CABCOCO1: variants seen among roughly 807,000 people sequenced by gnomAD.
The protein encoded by CABCOCO1 is ciliary-associated calcium-binding coiled-coil protein 1.
In CABCOCO1, 28 loss-of-function variants were observed where a neutral mutation model predicts 35.7. The observed-to-expected ratio is 0.78, with a 90% CI of 0.58 to 1.07. CABCOCO1 has a LOEUF of 1.07. CABCOCO1 is among the 50% of genes least tolerant of loss of function. CABCOCO1 has a pLI of 0.00. For synonymous variants in CABCOCO1, 95 were observed against 100.1 expected, an observed-to-expected ratio of 0.95 and a Z score of 0.30; for missense variants, 326 against 309.2, an observed-to-expected ratio of 1.05 and a Z score of -0.41.
chr10:61,706,808 G>A (rs1429525148), intron 5 of CABCOCO1, among the ~76,000 whole-genome samples: 1 of 151,994 alleles, frequency 6.6e-6, no homozygotes, highest in Non-Finnish European at 1.5e-5. Flanking sequence ...TACATGTTGG[G>A]TGCATCCTTC....
chr10:61,680,693 C>CATATATAT (rs71643929), intron 2 of CABCOCO1, among the ~76,000 whole-genome samples: 2 of 53,596 alleles, frequency 3.7e-5, no homozygotes, highest in African/African-American at 1.6e-4. Flanking sequence ...ACATGTATAA[C>CATATATAT]ATATATATGT....
At chr10:61,666,454 T>C (rs1402280549) in intron 1 of CABCOCO1, among the ~76,000 whole-genome samples, 2 of 152,172 alleles carry the variant, frequency 1.3e-5, no homozygotes, top group African/African-American at 4.8e-5. Flanking sequence ...TGTGAGTACA[T>C]GGTAGCTGTA....
intron 5 of CABCOCO1, among the ~76,000 whole-genome samples, chr10:61,706,919 G>A (rs1840606395): frequency 6.6e-6 from 1 of 152,112 alleles, no homozygotes; most frequent in Non-Finnish European, 1.5e-5. Flanking sequence ...TAACAGATAG[G>A]ATGCTGTGCC....
chr10:61,715,040 G>A (rs1457167794), intron 5 of CABCOCO1, among the ~76,000 whole-genome samples: 1 of 152,180 alleles, frequency 6.6e-6, no homozygotes, highest in East Asian at 1.9e-4. Flanking sequence ...GCTTGGTGCA[G>A]AGCTGAGTTG....
intron 5 of CABCOCO1, among the ~76,000 whole-genome samples, chr10:61,753,374 T>A (rs893009232): frequency 3.3e-4 from 50 of 152,116 alleles, no homozygotes; most frequent in African/African-American, 1.2e-3. Context: ...TCAATTTTTT[T>A]AACTATTTAT....
At chr10:61,756,905 TGAGACAATTACAA>T (rs1841908748) in intron 5 of CABCOCO1, among the ~76,000 whole-genome samples, 1 of 151,948 alleles carries the variant, frequency 6.6e-6, no homozygotes, top group Non-Finnish European at 1.5e-5. Flanking sequence ...GAAAAAAAAA[TGAGACAATTACAA>T]TTCTACAGGA....
chr10:61,680,059 C>T (rs1487329887), intron 2 of CABCOCO1, among the ~76,000 whole-genome samples: 1 of 151,602 alleles, frequency 6.6e-6, no homozygotes, highest in Non-Finnish European at 1.5e-5. Context: ...GCCTGTAATC[C>T]CAGCACTTTG....
chr10:61,716,769 T>C (rs1020818717), intron 5 of CABCOCO1, among the ~76,000 whole-genome samples: 5 of 152,196 alleles, frequency 3.3e-5, no homozygotes, highest in African/African-American at 1.2e-4. Context: ...TTCTGAATAA[T>C]ACCTCTCTCA....
intron 7 of CABCOCO1, among the ~76,000 whole-genome samples, chr10:61,764,480 C>T (rs538510184): frequency 6.6e-6 from 1 of 151,654 alleles, no homozygotes; most frequent in Non-Finnish European, 1.5e-5. Context: ...AATCCTATTC[C>T]CCTACTTAAT....
chr10:61,680,825 G>GAATTTCACAGAAATTTCACAGA (rs533152444), intron 2 of CABCOCO1, among the ~76,000 whole-genome samples: 1,928 of 148,330 alleles, frequency 0.013, 27 homozygotes, highest in Middle Eastern at 0.034. Context: ...AAAAGACGTT[G>GAATTTCACAGAAATTTCACAGA]AATTTCACAG....
chr10:61,705,506 AAC>A (rs1473949238), intron 5 of CABCOCO1, among the ~76,000 whole-genome samples: 1 of 152,232 alleles, frequency 6.6e-6, no homozygotes, highest in East Asian at 1.9e-4. Context: ...TAGTAAAACA[AAC>A]ACAGTTTCAA....
intron 5 of CABCOCO1, among the ~76,000 whole-genome samples, chr10:61,731,121 G>A (rs929109600): frequency 1.3e-5 from 2 of 150,050 alleles, no homozygotes; most frequent in East Asian, 1.9e-4. Flanking sequence ...CTGTTTTCTG[G>A]TTATGTAGGA....
At chr10:61,715,421 G>A (rs113425528) in intron 5 of CABCOCO1, among the ~76,000 whole-genome samples, 6,353 of 152,126 alleles carry the variant, frequency 0.042, 274 homozygotes, top group African/African-American at 0.1. Context: ...CATGTGAGAG[G>A]CATCTCCTGA....
chr10:61,707,413 T>C (rs979002180), intron 5 of CABCOCO1, among the ~76,000 whole-genome samples: 2 of 152,166 alleles, frequency 1.3e-5, no homozygotes, highest in African/African-American at 4.8e-5. Context: ...GAAAGGATTC[T>C]GATAGTTCAG....
At chr10:61,680,680 TATACA>T in intron 2 of CABCOCO1, among the ~76,000 whole-genome samples, 2 of 91,990 alleles carry the variant, frequency 2.2e-5, no homozygotes, top group African/African-American at 4.2e-5. Context: ...ACATATATGT[TATACA>T]TGTATAACAT....
rs113709295 is a variant in CABCOCO1 at position 61,752,367 on chromosome 10, G to GAAAAA, written c.553-7684_553-7680dup. Among the ~76,000 whole-genome samples the GAAAAA allele has an allele frequency of 6.2e-5, 9 of 145,750 alleles. No homozygotes were observed. The South Asian group carries it at 8.7e-4, about 14-fold the overall frequency. ...TAAGTGAGACTTTTTTATAAAAAAG[G>GAAAAA]AAAAAAAAAAAAGGGTAGGGGCTAG... On this transcript the variant is annotated intron_variant, in intron 5 of 7. Coordinates refer to ENST00000648843, the MANE Select transcript of CABCOCO1 (RefSeq NM_001366906.2).
intron 5 of CABCOCO1, among the ~76,000 whole-genome samples, chr10:61,719,647 C>T (rs1009180057): frequency 6.6e-5 from 10 of 152,054 alleles, no homozygotes; most frequent in South Asian, 2.1e-4. Flanking sequence ...ATCGGGCCGG[C>T]GCAGTGGCTC....
At chr10:61,758,376 T>C (rs1364682809) in intron 5 of CABCOCO1, among the ~76,000 whole-genome samples, 3 of 151,834 alleles carry the variant, frequency 2.0e-5, no homozygotes, top group East Asian at 1.9e-4. Context: ...AAAACAAGAG[T>C]GCTGAAAAAA....
intron 4 of CABCOCO1, 47 bp downstream of exon 4, chr10:61,686,232 G>T (rs747037015): frequency 1.4e-6 from 2 of 1,435,216 alleles, no homozygotes; most frequent in Non-Finnish European, 1.9e-6. Flanking sequence ...CACATCTTCT[G>T]GAAAATGTCT....
Sources: gnomAD v4.1 joint callset for allele counts (sites outside exome capture counted in the v4.1 genomes callset) on GRCh38, gnomAD v4.1.1 for gene constraint, MANE v1.5 for transcripts, NCBI Gene and HGNC (gene_info 2026-07-23, HGNC 2026-07-21) for gene names.